The following KIAA1328 variants were observed in gnomAD, a reference collection of about 807,000 sequenced individuals.
KIAA1328 encodes KIAA1328, also known as protein hinderin.
A neutral mutation model predicts 68.1 loss-of-function variants in KIAA1328; 52 were observed. That is an observed-to-expected ratio of 0.76 (90% confidence interval 0.61 to 0.96). KIAA1328 has a LOEUF of 0.96. Among genes scored for constraint, KIAA1328 ranks in the 40% least tolerant of loss-of-function variants. The pLI is 0.00. For synonymous variants in KIAA1328, 232 were observed against 239.4 expected, an observed-to-expected ratio of 0.97 and a Z score of 0.28; for missense variants, 641 against 677.6, an observed-to-expected ratio of 0.95 and a Z score of 0.60.
intron 6 of KIAA1328, among the ~76,000 whole-genome samples, chr18:36,966,219 A>G (rs994545939): frequency 1.3e-5 from 2 of 152,208 alleles, no homozygotes; most frequent in Non-Finnish European, 1.5e-5. Flanking sequence ...ACATTAAGAA[A>G]GACTAAGAGT....
Position 37,160,257 on chromosome 18 carries a change from G to T in KIAA1328, c.1290G>T (p.Lys430Asn), listed in dbSNP as rs2059249081. The change falls in exon 8 of 10, where the codon AAG (lysine) becomes AAT (asparagine). Residue 430 changes from lysine (K) to asparagine (N), a missense_variant. Physicochemically the swap from Lys to Asn is moderately conservative, Grantham distance 94 (BLOSUM62 0). Coordinates refer to ENST00000280020, the MANE Select transcript of KIAA1328 (RefSeq NM_020776.3). ...WLLGTSSSIKKHQDPPNSGEN... is the reference protein window; with the variant it reads ...WLLGTSSSIKNHQDPPNSGEN... ...TTGGAACATCATCATCTATTAAAAA[G>T]CACCAAGACCCCCCAAACAGTGGAG... 1 of 1,613,378 alleles carries T rather than the reference G, an allele frequency of 6.2e-7. No individual in the cohort carries two copies. The highest frequency in any genetic ancestry group is 8.5e-7 in the Non-Finnish European group (1 of 1,179,676).
At chr18:36,833,990 ATAG>A (rs2046586851) in intron 1 of KIAA1328, among the ~76,000 whole-genome samples, 1 of 152,208 alleles carries the variant, frequency 6.6e-6, no homozygotes, top group African/African-American at 2.4e-5. Flanking sequence ...AAGGAACCTA[ATAG>A]TAGAGTATAT....
intron 7 of KIAA1328, among the ~76,000 whole-genome samples, chr18:37,069,235 T>C (rs1227004908): frequency 6.6e-6 from 1 of 151,802 alleles, no homozygotes; most frequent in Non-Finnish European, 1.5e-5. Context: ...CATTTACTAA[T>C]ATTTTGTTGA....
At chr18:36,851,141 TG>T (rs2047200392) in intron 4 of KIAA1328, among the ~76,000 whole-genome samples, 1 of 152,170 alleles carries the variant, frequency 6.6e-6, no homozygotes. Context: ...GAATCATCCT[TG>T]TATTCCTGAG....
chr18:36,909,169 T>C (rs1443250812), intron 5 of KIAA1328, among the ~76,000 whole-genome samples: 3 of 152,118 alleles, frequency 2.0e-5, no homozygotes, highest in Admixed American at 1.3e-4. Context: ...TTCTAGGGTA[T>C]ATGTGCACAA....
chr18:37,151,175 ATAG>A (rs1248304111), intron 7 of KIAA1328, among the ~76,000 whole-genome samples: 2 of 152,204 alleles, frequency 1.3e-5, no homozygotes, highest in Non-Finnish European at 2.9e-5. Context: ...AAAAGCATTT[ATAG>A]TACCATCAAA....
intron 7 of KIAA1328, among the ~76,000 whole-genome samples, chr18:37,097,900 C>T (rs190543749): frequency 2.8e-4 from 42 of 152,114 alleles, no homozygotes; most frequent in East Asian, 9.7e-4. Flanking sequence ...TATAAGGATG[C>T]TGTGATTTTT....
At chr18:36,897,023 T>TA (rs898669574) in intron 5 of KIAA1328, among the ~76,000 whole-genome samples, 5 of 152,052 alleles carry the variant, frequency 3.3e-5, no homozygotes, top group African/African-American at 9.6e-5. Context: ...GCAGTAACAT[T>TA]AAAAAAAATT....
intron 6 of KIAA1328, among the ~76,000 whole-genome samples, chr18:37,048,863 C>A (rs535507295): frequency 2.0e-5 from 3 of 152,096 alleles, no homozygotes; most frequent in Non-Finnish European, 4.4e-5. Flanking sequence ...CAAGTTAGTC[C>A]ATTTAGCTGT....
chr18:37,138,587 T>G (rs2058696076), intron 7 of KIAA1328, among the ~76,000 whole-genome samples: 1 of 152,194 alleles, frequency 6.6e-6, no homozygotes, highest in Non-Finnish European at 1.5e-5. Flanking sequence ...AAATTATTAT[T>G]CCTTTTTACT....
At chr18:36,910,426 A>T (rs2049394788) in intron 5 of KIAA1328, among the ~76,000 whole-genome samples, 1 of 151,962 alleles carries the variant, frequency 6.6e-6, no homozygotes, top group Non-Finnish European at 1.5e-5. Flanking sequence ...AAGATCAGAT[A>T]GTTGTAGATG....
At chr18:36,961,417 C>T (rs964161275) in intron 6 of KIAA1328, among the ~76,000 whole-genome samples, 1 of 152,082 alleles carries the variant, frequency 6.6e-6, no homozygotes, top group Non-Finnish European at 1.5e-5. Context: ...GGAGAACTTC[C>T]CCAACCAAGC....
chr18:36,936,427 C>A (rs2050502175), intron 5 of KIAA1328, among the ~76,000 whole-genome samples: 1 of 152,170 alleles, frequency 6.6e-6, no homozygotes, highest in African/African-American at 2.4e-5. Context: ...CTTCCATCTT[C>A]ATCCATGTCC....
chr18:36,966,823 G>A (rs529063473), intron 6 of KIAA1328, among the ~76,000 whole-genome samples: 2 of 152,264 alleles, frequency 1.3e-5, no homozygotes, highest in East Asian at 1.9e-4. Context: ...TGGATTGGCC[G>A]TTTTTCCCAA....
chr18:36,887,276 C>T (rs2048533256), intron 5 of KIAA1328, among the ~76,000 whole-genome samples: 2 of 152,078 alleles, frequency 1.3e-5, no homozygotes, highest in Non-Finnish European at 2.9e-5. Flanking sequence ...ATTTACTCTT[C>T]TACTTGAGGA....
intron 5 of KIAA1328, among the ~76,000 whole-genome samples, chr18:36,945,202 G>C (rs2050856284): frequency 6.6e-6 from 1 of 152,050 alleles, no homozygotes. Flanking sequence ...GTATTTTTGG[G>C]CTATTCCTCT....
intron 5 of KIAA1328, among the ~76,000 whole-genome samples, chr18:36,908,994 C>T (rs767252036): frequency 6.6e-6 from 1 of 152,104 alleles, no homozygotes; most frequent in Non-Finnish European, 1.5e-5. Context: ...CTATGTGGTA[C>T]ATTTGGTCCC....
chr18:36,937,896 A>G (rs1026208906), intron 5 of KIAA1328, among the ~76,000 whole-genome samples: 4 of 152,162 alleles, frequency 2.6e-5, no homozygotes, highest in African/African-American at 9.7e-5. Flanking sequence ...TTCACTTAAC[A>G]TATTGACCTT....
intron 5 of KIAA1328, among the ~76,000 whole-genome samples, chr18:36,918,716 T>G (rs1261453861): frequency 6.6e-6 from 1 of 152,166 alleles, no homozygotes; most frequent in Admixed American, 6.5e-5. Context: ...CGCCCGGCCT[T>G]TCTATATTTT....
Sources: gnomAD v4.1 joint callset for allele counts (sites outside exome capture counted in the v4.1 genomes callset) on GRCh38, gnomAD v4.1.1 for gene constraint, MANE v1.5 for transcripts, NCBI Gene and HGNC (gene_info 2026-07-23, HGNC 2026-07-21) for gene names.